The following ZMYND8 variants were observed in gnomAD, a reference collection of about 807,000 sequenced individuals.
The protein encoded by ZMYND8 is zinc finger MYND-type containing 8, also known as MYND-type zinc finger-containing chromatin reader ZMYND8.
A neutral mutation model predicts 140.8 loss-of-function variants in ZMYND8; 37 were observed. The ratio of observed to expected loss-of-function variants is 0.26; its 90% CI spans 0.20 to 0.35. The LOEUF (loss-of-function observed/expected upper bound fraction) is 0.35, where lower values mean the gene tolerates loss of function less well. Ranked by LOEUF, ZMYND8 falls within the 10% of genes least tolerant of loss-of-function variation. ZMYND8 has a pLI of 1.00. For missense variants in ZMYND8, 1,068 were observed against 1,570.0 expected, an observed-to-expected ratio of 0.68 and a Z score of 5.40; for synonymous variants, 592 against 597.1, an observed-to-expected ratio of 0.99 and a Z score of 0.12.
rs574650850 is a variant in ZMYND8, at chr20:47,345,094, G to A, written c.85+2762C>T. ...GAGCCCAGGAGATCAAGGATACAGTGAGCTATGATCATACCAGTGCACTCT... is the reference window on the plus strand; with the variant it reads ...GAGCCCAGGAGATCAAGGATACAGTAAGCTATGATCATACCAGTGCACTCT... On this transcript the variant is annotated intron_variant, in intron 2 of 22. Transcript: ENST00000471951. 1.3e-4 allele frequency among the ~76,000 whole-genome samples: 20 copies of A among 152,284 alleles called. 2 individuals are homozygous for A. Among genetic ancestry groups the A allele is most frequent in the African/African-American group, 4.8e-4 (20 of 41,560 alleles).
intron 11 of ZMYND8, among the ~76,000 whole-genome samples, chr20:47,274,330 T>C (rs1052300035): frequency 9.2e-5 from 14 of 152,246 alleles, no homozygotes; most frequent in Non-Finnish European, 1.9e-4. Context: ...GTGTTTAGCT[T>C]AGGACAAAGC....
intron 17 of ZMYND8, among the ~76,000 whole-genome samples, chr20:47,228,091 C>CAAAAAA (rs11295350): frequency 8.9e-6 from 1 of 111,930 alleles, no homozygotes; most frequent in Non-Finnish European, 2.0e-5. Flanking sequence ...AGACTCTTCT[C>CAAAAAA]AAAAAAAAAA....
intron 2 of ZMYND8, among the ~76,000 whole-genome samples, chr20:47,318,261 G>A (rs1204910623): frequency 6.6e-6 from 1 of 152,144 alleles, no homozygotes; most frequent in East Asian, 1.9e-4. Context: ...AGAAGCAGAG[G>A]CCTGCTCTAC....
chr20:47,279,968 CAAA>C (rs934085367), intron 10 of ZMYND8, among the ~76,000 whole-genome samples: 6 of 151,960 alleles, frequency 3.9e-5, no homozygotes, highest in Admixed American at 3.9e-4. Flanking sequence ...ACTGAAAATA[CAAA>C]AAATTAGTTG....
chr20:47,219,203 G>A (rs959569187), intron 21 of ZMYND8, among the ~76,000 whole-genome samples: 7 of 149,208 alleles, frequency 4.7e-5, no homozygotes, highest in African/African-American at 1.2e-4. Flanking sequence ...GATTACAGGC[G>A]CATGTCACCA....
chr20:47,341,920 G>A (rs1006536946), intron 2 of ZMYND8, among the ~76,000 whole-genome samples: 9 of 151,358 alleles, frequency 5.9e-5, no homozygotes, highest in African/African-American at 1.2e-4. Context: ...GGAGAATGGC[G>A]TGAACCCGGG....
intron 11 of ZMYND8, among the ~76,000 whole-genome samples, chr20:47,262,671 T>C (rs562958734): frequency 6.6e-6 from 1 of 152,328 alleles, no homozygotes; most frequent in East Asian, 1.9e-4. Flanking sequence ...AGTTACTCTA[T>C]TAAGCACAAA....
Position 47,290,279 on chromosome 20 carries a change from G to A in ZMYND8, c.661-5C>T, listed in dbSNP as rs2147957672. On this transcript the variant is annotated splice_polypyrimidine_tract_variant and splice_region_variant and intron_variant, in intron 6 of 22. Coordinates refer to ENST00000471951, the MANE Select transcript of ZMYND8 (RefSeq NM_001281775.3). ...ATACATTTTCTTTTTCGCATTCTGGGAAGAAAAGCGATGGAGCATAATCAC... is the reference window on the plus strand; with the variant it reads ...ATACATTTTCTTTTTCGCATTCTGGAAAGAAAAGCGATGGAGCATAATCAC... The A allele has an allele frequency of 6.2e-7, 1 of 1,612,790 alleles. No homozygotes were observed. Among genetic ancestry groups the A allele is most frequent in the Non-Finnish European group, 8.5e-7 (1 of 1,179,466 alleles).
At chr20:47,285,434 A>C (rs2076860742) in intron 8 of ZMYND8, among the ~76,000 whole-genome samples, 1 of 152,246 alleles carries the variant, frequency 6.6e-6, no homozygotes, top group Admixed American at 6.5e-5. Context: ...ATTCCAAAGG[A>C]ACATATCCAA....
chr20:47,338,372 G>A (rs983401953), intron 2 of ZMYND8, among the ~76,000 whole-genome samples: 2 of 152,130 alleles, frequency 1.3e-5, no homozygotes, highest in South Asian at 4.1e-4. Flanking sequence ...ACCCTGACCC[G>A]GGTCATGTCA....
intron 10 of ZMYND8, 119 bp downstream of exon 10, chr20:47,281,983 T>C (rs2076634699): frequency 2.4e-6 from 2 of 837,354 alleles, no homozygotes; most frequent in Admixed American, 2.8e-5. Context: ...ACAAGATCAA[T>C]GGTTGGTATC....
chr20:47,348,068 C>T (rs1188141993), intron 1 of ZMYND8, 142 bp from the exon 2 acceptor site: 1 of 772,692 alleles, frequency 1.3e-6, no homozygotes, highest in Non-Finnish European at 2.2e-6. Context: ...AAACCCACAC[C>T]TGATTTCAAC....
intron 2 of ZMYND8, among the ~76,000 whole-genome samples, chr20:47,317,788 G>A (rs988678292): frequency 3.3e-5 from 5 of 152,162 alleles, no homozygotes; most frequent in Admixed American, 2.6e-4. Flanking sequence ...GCTTTCTGGC[G>A]TCAAAATGCA....
rs527523901 is a variant in ZMYND8 at position 47,252,228 on chromosome 20, G to T, written c.1622-2789C>A. 1.0e-4 allele frequency among the ~76,000 whole-genome samples: 15 copies of T among 143,408 alleles called. No homozygotes were observed. The South Asian group carries it at 3.3e-3, about 31-fold the overall frequency. The allele number at this position is 143,408 out of a possible 152,430, so 94.1% of individuals were successfully genotyped here. A position where few individuals can be genotyped will look rare whatever the true frequency, so the allele number is the denominator to read the frequency against. Reference sequence around the variant, plus strand: ...AGAACACTTGAACCCAGGAGGCGAAGGTTGCAGTGAGCGAGATCGCACCAC... The same window carrying T: ...AGAACACTTGAACCCAGGAGGCGAATGTTGCAGTGAGCGAGATCGCACCAC... On this transcript the variant is annotated intron_variant, in intron 12 of 22. Transcript: ENST00000471951.
At chr20:47,219,941 A>AG (rs1306433952) in intron 21 of ZMYND8, among the ~76,000 whole-genome samples, 1 of 149,610 alleles carries the variant, frequency 6.7e-6, no homozygotes, top group Non-Finnish European at 1.5e-5. Context: ...AGAGAGAGAG[A>AG]AAAAAAAAAC....
chr20:47,239,307 T>C (rs1178483430), intron 14 of ZMYND8, among the ~76,000 whole-genome samples, 169 bp from the exon 15 acceptor site: 1 of 152,234 alleles, frequency 6.6e-6, no homozygotes, highest in African/African-American at 2.4e-5. Context: ...CACCTAACGC[T>C]GAGGCCACTT....
chr20:47,257,296 A>G (rs1285906848), intron 12 of ZMYND8, among the ~76,000 whole-genome samples: 1 of 152,060 alleles, frequency 6.6e-6, no homozygotes, highest in East Asian at 1.9e-4. Flanking sequence ...CTCATATACC[A>G]CATATACATA....
chr20:47,259,796 G>A (rs2075022274), intron 12 of ZMYND8, among the ~76,000 whole-genome samples: 1 of 152,128 alleles, frequency 6.6e-6, no homozygotes, highest in South Asian at 2.1e-4. Context: ...ACTGGGGGAT[G>A]TTTAGCGCAA....
At chr20:47,324,286 G>A (rs1279701093) in intron 2 of ZMYND8, among the ~76,000 whole-genome samples, 1 of 151,764 alleles carries the variant, frequency 6.6e-6, no homozygotes, top group Non-Finnish European at 1.5e-5. Context: ...GGAGGCCAAG[G>A]CAGGTGGATC....
Sources: gnomAD v4.1 joint callset for allele counts (sites outside exome capture counted in the v4.1 genomes callset) on GRCh38, gnomAD v4.1.1 for gene constraint, MANE v1.5 for transcripts, NCBI Gene and HGNC (gene_info 2026-07-23, HGNC 2026-07-21) for gene names.